The following PDE4C variants were observed in gnomAD, a reference collection of about 807,000 sequenced individuals.
PDE4C encodes the protein 3',5'-cyclic-AMP phosphodiesterase 4C.
A neutral mutation model predicts 63.9 loss-of-function variants in PDE4C; 50 were observed. That is an observed-to-expected ratio of 0.78 (90% CI 0.62 to 0.99). The LOEUF (loss-of-function observed/expected upper bound fraction) is 0.99, where lower values mean the gene tolerates loss of function less well. Ranked by LOEUF, PDE4C falls within the 50% of genes least tolerant of loss-of-function variation. PDE4C has a pLI of 0.00. For synonymous variants in PDE4C, 377 were observed against 385.1 expected (o/e 0.98, Z 0.25); for missense variants, 777 against 899.1 (o/e 0.86, Z 1.74).
chr19:18,249,377 C>T (rs1969197196), upstream of PDE4C, among the ~76,000 whole-genome samples: 1 of 152,222 alleles, frequency 6.6e-6, no homozygotes, highest in East Asian at 1.9e-4. Flanking sequence ...CAGGCTCAAC[C>T]AATTCTCCTG....
intron 1 of PDE4C, among the ~76,000 whole-genome samples, chr19:18,240,641 T>G (rs1308690702): frequency 6.6e-6 from 1 of 151,982 alleles, no homozygotes; most frequent in Non-Finnish European, 1.5e-5. Flanking sequence ...GGCAGGAGAA[T>G]CGCTTGAACC....
upstream of PDE4C, among the ~76,000 whole-genome samples, chr19:18,248,666 A>C (rs183938844): frequency 1.1e-3 from 160 of 152,154 alleles, 1 homozygote; most frequent in African/African-American, 3.6e-3. Flanking sequence ...GTGTGGCCTA[A>C]GGAGCTTGGG....
intron 1 of PDE4C, among the ~76,000 whole-genome samples, chr19:18,242,075 G>T (rs1276574831): frequency 6.6e-6 from 1 of 152,184 alleles, no homozygotes; most frequent in Non-Finnish European, 1.5e-5. Context: ...AGGCCTGAAA[G>T]AGGAGAAAGA....
At chr19:18,246,838 A>G (rs895666099) in intron 1 of PDE4C, among the ~76,000 whole-genome samples, 3 of 152,154 alleles carry the variant, frequency 2.0e-5, no homozygotes, top group African/African-American at 7.2e-5. Flanking sequence ...GAGGGAGGAG[A>G]ATCACTTAAA....
intron 1 of PDE4C, among the ~76,000 whole-genome samples, chr19:18,224,819 G>A (rs886704684): frequency 1.3e-5 from 2 of 152,232 alleles, no homozygotes; most frequent in African/African-American, 2.4e-5. Flanking sequence ...TGGCCCGTCT[G>A]GGGTGCGCCG....
exon 15 of PDE4C, chr19:18,211,262 G>C: frequency 6.3e-7 from 1 of 1,587,488 alleles, no homozygotes; most frequent in Non-Finnish European, 8.6e-7. Flanking sequence ...GAGCAATGTA[G>C]TCAATGAAAC....
At chr19:18,211,821 C>T (rs1967957894) in exon 14 of PDE4C, 3 of 1,614,154 alleles carry the variant, frequency 1.9e-6, no homozygotes, top group Non-Finnish European at 2.5e-6. Context: ...AGGCCCGACT[C>T]ACGCTCGCGG....
upstream of PDE4C, among the ~76,000 whole-genome samples, chr19:18,229,756 G>A (rs182898590): frequency 6.6e-6 from 1 of 152,116 alleles, no homozygotes; most frequent in Non-Finnish European, 1.5e-5. Context: ...CAGGGTGGGG[G>A]CCAGGTCACA....
chr19:18,234,843 C>A (rs138849486), upstream of PDE4C, among the ~76,000 whole-genome samples: 2 of 152,202 alleles, frequency 1.3e-5, no homozygotes, highest in East Asian at 3.9e-4. Flanking sequence ...TGCTGTGTGA[C>A]GCATGACAAA....
intron 11 of PDE4C, among the ~76,000 whole-genome samples, chr19:18,217,845 C>T (rs577000681): frequency 1.8e-4 from 27 of 152,054 alleles, no homozygotes; most frequent in African/African-American, 6.0e-4. Context: ...TGCAGTGAGC[C>T]GAAATCGCGC....
chr19:18,220,643 C>G lies in PDE4C; in HGVS notation c.500-128G>C. On this transcript the variant is annotated intron_variant, in intron 5 of 14. Coordinates refer to ENST00000262805, the Ensembl canonical transcript of PDE4C. The surrounding 1 kb of genome is among the most constrained non-coding windows in gnomAD (Gnocchi z 5.1). ...GGGGGCCACCCAGGACTCCTGGACC[C>G]AAGTTCCAGATCTGTTCCCCGAGTG... 5.7e-6 allele frequency: 5 copies of G among 871,040 alleles called. No homozygotes were observed. The highest frequency in any genetic ancestry group is 8.9e-6 in the Non-Finnish European group (5 of 560,978). The allele number at this position is 871,040 out of a possible 1,614,324, so 54.0% of individuals were successfully genotyped here. A position where few individuals can be genotyped will look rare whatever the true frequency, so the allele number is the denominator to read the frequency against.
chr19:18,210,780 A>C (rs1568658877), exon 15 of PDE4C: 1 of 1,364,786 alleles, frequency 7.3e-7, no homozygotes. Context: ...AGACCCTGGG[A>C]GCCACCTATA....
chr19:18,214,191 G>A (rs1968091683), intron 12 of PDE4C, among the ~76,000 whole-genome samples: 1 of 151,592 alleles, frequency 6.6e-6, no homozygotes, highest in African/African-American at 2.4e-5. Flanking sequence ...CCAAGAGGCG[G>A]AGCTTGCAGG....
intron 1 of PDE4C, among the ~76,000 whole-genome samples, chr19:18,240,285 G>T (rs914464821): frequency 1.3e-5 from 2 of 151,668 alleles, no homozygotes; most frequent in African/African-American, 4.8e-5. Flanking sequence ...AATTAGCCAG[G>T]TGTGGTGGTA....
intron 7 of PDE4C, chr19:18,219,644 T>G: frequency 2.2e-6 from 1 of 457,308 alleles, no homozygotes; most frequent in Non-Finnish European, 3.9e-6. Context: ...AGCAATACGG[T>G]GAAACCCCAT....
intron 1 of PDE4C, chr19:18,232,861 C>T: frequency 7.4e-6 from 10 of 1,349,910 alleles, no homozygotes; most frequent in South Asian, 1.6e-5. Context: ...ACCCCCGCCC[C>T]CTGGAGAAGC....
intron 1 of PDE4C, among the ~76,000 whole-genome samples, chr19:18,231,607 G>T (rs1968849749): frequency 6.6e-6 from 1 of 152,028 alleles, no homozygotes; most frequent in South Asian, 2.1e-4. Flanking sequence ...CCCCTAGGGG[G>T]TCCATGCACC....
intron 1 of PDE4C, among the ~76,000 whole-genome samples, chr19:18,224,926 AC>A (rs1968661696): frequency 6.6e-6 from 1 of 151,886 alleles, no homozygotes; most frequent in Non-Finnish European, 1.5e-5. Context: ...GCGGATCGCG[AC>A]CCCCTACCCC....
chr19:18,211,126 G>T (rs1227198416), exon 15 of PDE4C: 10 of 1,614,048 alleles, frequency 6.2e-6, no homozygotes, highest in Non-Finnish European at 8.5e-6. Flanking sequence ...TCCCGCTCGG[G>T]GTTGGTGAGG....
Sources: gnomAD v4.1 joint callset for allele counts (sites outside exome capture counted in the v4.1 genomes callset) on GRCh38, gnomAD v4.1.1 for gene constraint, Gnocchi (gnomAD v3.1) non-coding constraint, MANE v1.5 for transcripts, NCBI Gene and HGNC (gene_info 2026-07-23, HGNC 2026-07-21) for gene names.